The following VGLL4 variants were observed in gnomAD, a reference collection of about 807,000 sequenced individuals.
The protein encoded by VGLL4 is transcription cofactor vestigial-like protein 4.
A neutral mutation model predicts 21.0 loss-of-function variants in VGLL4; 7 were observed. The observed-to-expected ratio is 0.33, with a 90% CI of 0.19 to 0.63. VGLL4 has a LOEUF of 0.63. VGLL4 is among the 20% of genes least tolerant of loss of function. VGLL4 has a pLI of 0.78. For synonymous variants in VGLL4, 222 were observed against 173.2 expected (o/e 1.28, Z -2.21); for missense variants, 394 against 425.7 (o/e 0.93, Z 0.66).
intron 1 of VGLL4, among the ~76,000 whole-genome samples, chr3:11,708,531 G>A (rs1476666068): frequency 6.6e-6 from 1 of 151,552 alleles, no homozygotes; most frequent in Admixed American, 6.6e-5. Flanking sequence ...CAGGTCACGT[G>A]TGCCTGGAGG....
chr3:11,698,391 C>T (rs1384496639), intron 2 of VGLL4, among the ~76,000 whole-genome samples: 1 of 151,418 alleles, frequency 6.6e-6, no homozygotes, highest in Non-Finnish European at 1.5e-5. Context: ...CGCCTGTAGT[C>T]CCAGTTACTC....
In VGLL4 at chr3:11,643,793, C is replaced by CA; in HGVS notation, c.-276dup. 1 of 1,157,504 alleles carries CA rather than the reference C, an allele frequency of 8.6e-7. No homozygotes were observed. Among genetic ancestry groups the CA allele is most frequent in the Non-Finnish European group, 1.1e-6 (1 of 939,252 alleles). 71.7% of individuals were successfully genotyped at this position (1,157,504 alleles called of 1,614,324 possible). On this transcript the variant is annotated 5_prime_UTR_variant, in exon 1 of 5. Transcript: ENST00000430365. Reference sequence around the variant, plus strand: ...GAAAACAGCGTTTCAGAAGTCCTTACAAGTCCTTCCTGGAAATGGAAAAGA... The same window carrying CA: ...GAAAACAGCGTTTCAGAAGTCCTTACAAAGTCCTTCCTGGAAATGGAAAAGA...
At chr3:11,574,450 G>T (rs764956974) in intron 2 of VGLL4, among the ~76,000 whole-genome samples, 4 of 152,142 alleles carry the variant, frequency 2.6e-5, no homozygotes, top group Non-Finnish European at 5.9e-5. Context: ...AGTCAGCCCA[G>T]ACCTGCCAGT....
intron 2 of VGLL4, among the ~76,000 whole-genome samples, chr3:11,697,851 G>A (rs2125400086): frequency 6.6e-6 from 1 of 152,260 alleles, no homozygotes; most frequent in South Asian, 2.1e-4. Context: ...CTCCAAACAA[G>A]GAGTTAGTGA....
intron 2 of VGLL4, chr3:11,702,763 A>C: frequency 3.1e-6 from 1 of 319,118 alleles, no homozygotes; most frequent in Non-Finnish European, 5.7e-6. Context: ...AAAACAAACC[A>C]GTATCCATAG....
chr3:11,600,782 A>C (rs756020927), intron 2 of VGLL4, among the ~76,000 whole-genome samples: 13 of 152,094 alleles, frequency 8.5e-5, no homozygotes, highest in Non-Finnish European at 1.5e-4. Flanking sequence ...TCCTGTGGGG[A>C]AAAAGCAGTG....
chr3:11,559,386 C>T lies in VGLL4; in HGVS notation c.565G>A (p.Ala189Thr), dbSNP rs200044987. Residue 189 changes from alanine (A) to threonine (T), a missense_variant, in exon 4 of 5, where the codon GCG (alanine) becomes ACG (threonine). By Grantham distance (58) the Ala-to-Thr change is moderately conservative. Transcript: ENST00000430365. Reference sequence around the variant, plus strand: ...CCGGGCGCGGCACAGCCGCTGTGCGCGATGGGGCAGTGCGAGAGGTTGCAG... The same window carrying T: ...CCGGGCGCGGCACAGCCGCTGTGCGTGATGGGGCAGTGCGAGAGGTTGCAG... The part of the protein sequence containing the change: ...RNCNLSHCPI[A>T]HSGCAAPGPA... 113 of 1,557,866 alleles carry T rather than the reference C, an allele frequency of 7.3e-5. No individual in the cohort carries two copies. The Admixed American group carries it at 1.1e-3, about 15-fold the overall frequency.
chr3:11,654,460 G>A (rs2075926333), intron 2 of VGLL4, among the ~76,000 whole-genome samples: 1 of 152,144 alleles, frequency 6.6e-6, no homozygotes, highest in Non-Finnish European at 1.5e-5. Flanking sequence ...ATTTTCCACT[G>A]CACCCAGGGT....
intron 1 of VGLL4, among the ~76,000 whole-genome samples, chr3:11,630,663 A>T (rs375502126): frequency 5.3e-4 from 80 of 152,292 alleles, no homozygotes; most frequent in Middle Eastern, 6.8e-3. Context: ...AAAAAATAAA[A>T]AAATAAATAA....
intron 1 of VGLL4, among the ~76,000 whole-genome samples, chr3:11,707,327 C>CAAAAAAAA (rs34222383): frequency 7.0e-5 from 3 of 43,060 alleles, no homozygotes; most frequent in African/African-American, 2.0e-4. Flanking sequence ...GACCCTGCCT[C>CAAAAAAAA]AAAAAAAAAA....
chr3:11,721,116 T>C (rs1215579018), upstream of VGLL4: 2 of 152,220 alleles, frequency 1.3e-5, no homozygotes, highest in Non-Finnish European at 2.9e-5. Flanking sequence ...TAGGAGCCCC[T>C]ACCGTAAGGG....
intron 2 of VGLL4, among the ~76,000 whole-genome samples, chr3:11,600,374 A>G (rs1054809435): frequency 6.6e-6 from 1 of 151,982 alleles, no homozygotes; most frequent in African/African-American, 2.4e-5. Context: ...GAAAAAGAAA[A>G]AAAAAAAAAG....
intron 2 of VGLL4, among the ~76,000 whole-genome samples, chr3:11,661,356 A>C: frequency 6.6e-6 from 1 of 152,220 alleles, no homozygotes; most frequent in Admixed American, 6.5e-5. Context: ...ATTGCCAAGA[A>C]AAGGTCAATG....
At chr3:11,701,588 A>T (rs1454838471) in intron 2 of VGLL4, among the ~76,000 whole-genome samples, 2 of 152,212 alleles carry the variant, frequency 1.3e-5, no homozygotes, top group Non-Finnish European at 2.9e-5. Flanking sequence ...AGCTCAGTAC[A>T]CACGACAGCC....
intron 2 of VGLL4, among the ~76,000 whole-genome samples, chr3:11,591,868 A>G (rs552447080): frequency 7.9e-5 from 12 of 152,372 alleles, no homozygotes; most frequent in South Asian, 2.1e-4. Flanking sequence ...CACAACTGAC[A>G]TACATGGGGC....
At chr3:11,589,180 T>C (rs867888122) in intron 2 of VGLL4, among the ~76,000 whole-genome samples, 10 of 152,286 alleles carry the variant, frequency 6.6e-5, no homozygotes, top group Middle Eastern at 3.4e-3. Context: ...CACTCCTGAA[T>C]GCAGGGAGAG....
At chr3:11,657,101 G>A (rs928133380) in intron 2 of VGLL4, among the ~76,000 whole-genome samples, 9 of 152,160 alleles carry the variant, frequency 5.9e-5, no homozygotes, top group African/African-American at 2.2e-4. Flanking sequence ...GAAAAATCCA[G>A]TTCCCAGGCC....
At chr3:11,612,660 G>T (rs1018902951) in intron 1 of VGLL4, 6 of 152,168 alleles carry the variant, frequency 3.9e-5, no homozygotes, top group South Asian at 2.1e-4. Flanking sequence ...AGTAAACTAG[G>T]AAAGTGCAGT....
In VGLL4 at chr3:11,559,415, C is replaced by G. The variant is rs566280584; in HGVS notation, c.536G>C (p.Arg179Pro). 1 of 1,563,068 alleles carries G rather than the reference C, an allele frequency of 6.4e-7. No homozygotes were observed. The highest frequency in any genetic ancestry group is 2.4e-5 in the East Asian group (1 of 42,114). ...GGGGCAGTGCGAGAGGTTGCAGTTG[C>G]GGGCGCCAGCCGAGGCACAGGTGAT... ...SVITCASAGA[R>P]NCNLSHCPIA... The change falls in exon 4 of 5, where the codon CGC becomes CCC. Residue 179 changes from arginine to proline, a missense_variant. Transcript: ENST00000430365.
Sources: gnomAD v4.1 joint callset for allele counts (sites outside exome capture counted in the v4.1 genomes callset) on GRCh38, gnomAD v4.1.1 for gene constraint, MANE v1.5 for transcripts, NCBI Gene and HGNC (gene_info 2026-07-23, HGNC 2026-07-21) for gene names.